The following PRMT3 variants were observed in gnomAD, a reference collection of about 807,000 sequenced individuals.
The protein encoded by PRMT3 is protein arginine methyltransferase 3, also known as protein arginine N-methyltransferase 3.
In PRMT3, 62 loss-of-function variants were observed where a neutral mutation model predicts 71.9. The ratio of observed to expected loss-of-function variants is 0.86; its 90% CI spans 0.70 to 1.07. The LOEUF (loss-of-function observed/expected upper bound fraction) is 1.07, where lower values mean the gene tolerates loss of function less well. Among genes scored for constraint, PRMT3 ranks in the 50% least tolerant of loss-of-function variants. PRMT3 has a pLI of 0.00. For synonymous variants in PRMT3, 213 were observed against 220.4 expected (o/e 0.97, Z 0.30); for missense variants, 663 against 643.0 (o/e 1.03, Z -0.34).
chr11:20,460,423 G>A (rs1850357356), intron 11 of PRMT3, among the ~76,000 whole-genome samples: 1 of 152,000 alleles, frequency 6.6e-6, no homozygotes, highest in East Asian at 1.9e-4. Flanking sequence ...TTAGTGGAGA[G>A]TTTCTCCTTC....
intron 15 of PRMT3, 48 bp from the exon 16 acceptor site, chr11:20,508,256 T>TACACTGTATTCC: frequency 9.1e-7 from 1 of 1,099,782 alleles, no homozygotes; most frequent in Non-Finnish European, 1.4e-6. Context: ...ACTTTTCTGC[T>TACACTGTATTCC]ACACTGTATT....
intron 8 of PRMT3, among the ~76,000 whole-genome samples, chr11:20,404,588 A>G (rs1849032014): frequency 6.6e-6 from 1 of 152,174 alleles, no homozygotes; most frequent in East Asian, 1.9e-4. Context: ...ATGTTTGTCT[A>G]AAAACCACTC....
At chr11:20,437,816 C>T (rs985493331) in intron 10 of PRMT3, among the ~76,000 whole-genome samples, 1 of 152,044 alleles carries the variant, frequency 6.6e-6, no homozygotes, top group Non-Finnish European at 1.5e-5. Context: ...GTCTCAATCT[C>T]CTGACCTCGT....
At chr11:20,457,559 G>A (rs1472818526) in intron 11 of PRMT3, among the ~76,000 whole-genome samples, 1 of 152,202 alleles carries the variant, frequency 6.6e-6, no homozygotes, top group Non-Finnish European at 1.5e-5. Flanking sequence ...AAGTCTAAAT[G>A]AGGTGCTTGA....
intron 12 of PRMT3, among the ~76,000 whole-genome samples, chr11:20,463,244 G>A (rs566218985): frequency 2.8e-4 from 42 of 152,198 alleles, no homozygotes; most frequent in Non-Finnish European, 5.1e-4. Context: ...AGCATTAATA[G>A]TATAGAGTAA....
At position 20,404,211 on chromosome 11, in the gene PRMT3, G is replaced by GTTTTTTTTTGTTTTGTTTTGTTTTTTTT. The variant is rs1849013967; in HGVS notation, c.771+1236_771+1237insGTTTTGTTTTGTTTTTTTTTTTTTTTTT. On this transcript the variant is annotated intron_variant, in intron 8 of 15. Transcript: ENST00000331079. ...GTTACTATAGTGGAGACTTTTCATAGTTTTTTTTTTTTTTTTTTTTTTTTT... is the reference window on the plus strand; with the variant it reads ...GTTACTATAGTGGAGACTTTTCATAGTTTTTTTTTGTTTTGTTTTGTTTTTTTTTTTTTTTTTTTTTTTTTTTTTTTTT... Among the ~76,000 whole-genome samples, 3 of 34,338 alleles carry GTTTTTTTTTGTTTTGTTTTGTTTTTTTT rather than the reference G, an allele frequency of 8.7e-5. 1 individual carries two copies. The highest frequency in any genetic ancestry group is 4.0e-4 in the African/African-American group (3 of 7,480). The allele number at this position is 34,338 out of a possible 152,430, so 22.5% of individuals were successfully genotyped here.
intron 9 of PRMT3, among the ~76,000 whole-genome samples, chr11:20,424,845 G>C (rs1849509636): frequency 6.6e-6 from 1 of 152,198 alleles, no homozygotes; most frequent in African/African-American, 2.4e-5. Context: ...ACTGGGCTAA[G>C]TGTGGCAGCT....
intron 13 of PRMT3, among the ~76,000 whole-genome samples, chr11:20,468,340 T>C (rs1303028111): frequency 6.6e-6 from 1 of 152,142 alleles, no homozygotes; most frequent in African/African-American, 2.4e-5. Context: ...ATGTATGATA[T>C]ATGTATAACG....
rs368162185 is a variant in PRMT3, at chr11:20,408,049, C to G, written c.893+17C>G. On this transcript the variant is annotated intron_variant, in intron 9 of 15. Coordinates refer to ENST00000331079, the MANE Select transcript of PRMT3 (RefSeq NM_005788.4). ...TATTATAAGGTACATATATTTTAAG[C>G]CTTCATTTAAGATTATTTTAAAATT... 16 of 1,483,096 alleles carry G rather than the reference C, an allele frequency of 1.1e-5. No individual in the cohort carries two copies. Among genetic ancestry groups the G allele is most frequent in the Middle Eastern group, 1.8e-4 (1 of 5,622 alleles). The allele number at this position is 1,483,096 out of a possible 1,614,324, so 91.9% of individuals were successfully genotyped here. A position where few individuals can be genotyped will look rare whatever the true frequency, so the allele number is the denominator to read the frequency against.
intron 9 of PRMT3, among the ~76,000 whole-genome samples, chr11:20,422,748 T>A (rs560616596): frequency 2.0e-5 from 3 of 152,270 alleles, no homozygotes; most frequent in African/African-American, 7.2e-5. Flanking sequence ...CACAGCACCA[T>A]CCTGAGCTAA....
intron 13 of PRMT3, among the ~76,000 whole-genome samples, chr11:20,489,183 C>G (rs1305843511): frequency 6.6e-6 from 1 of 151,836 alleles, no homozygotes; most frequent in Non-Finnish European, 1.5e-5. Context: ...TTCTCTCACT[C>G]TAAGGGACTT....
In PRMT3 at chr11:20,457,954, G is replaced by A. The variant is rs867273600; in HGVS notation, c.1073-4026G>A. 5.3e-5 allele frequency among the ~76,000 whole-genome samples: 8 copies of A among 152,262 alleles called. No individual in the cohort carries two copies. The South Asian group carries it at 8.3e-4, about 16-fold the overall frequency. On this transcript the variant is annotated intron_variant, in intron 11 of 15. Transcript: ENST00000331079. ...AGCTATATGTTAGCCTTAGCTAAAC[G>A]TTAGTGGGTCTTGTCATTATTTATA...
intron 11 of PRMT3, among the ~76,000 whole-genome samples, chr11:20,457,699 C>T (rs1194928982): frequency 6.6e-6 from 1 of 152,066 alleles, no homozygotes; most frequent in African/African-American, 2.4e-5. Context: ...TAACACTTAC[C>T]TTTTATACAG....
chr11:20,403,679 C>A (rs141676962), intron 8 of PRMT3, among the ~76,000 whole-genome samples: 2 of 151,582 alleles, frequency 1.3e-5, no homozygotes, highest in African/African-American at 4.8e-5. Flanking sequence ...TCAGGTTTTC[C>A]GTTTGTTCTT....
chr11:20,452,324 T>G (rs1850169055), intron 11 of PRMT3, 116 bp downstream of exon 11: 1 of 755,232 alleles, frequency 1.3e-6, no homozygotes, highest in South Asian at 1.7e-5. Flanking sequence ...GGTTGAAAGA[T>G]GTTTGCATTA....
intron 13 of PRMT3, among the ~76,000 whole-genome samples, chr11:20,464,939 T>C (rs1024513074): frequency 2.8e-4 from 43 of 152,306 alleles, no homozygotes; most frequent in Middle Eastern, 3.4e-3. Flanking sequence ...TTTATATTTA[T>C]GTATGAAAAA....
At chr11:20,501,796 A>G (rs978412567) in intron 15 of PRMT3, among the ~76,000 whole-genome samples, 1 of 152,202 alleles carries the variant, frequency 6.6e-6, no homozygotes, top group African/African-American at 2.4e-5. Flanking sequence ...CTTTTATTGT[A>G]AGTAAATATG....
intron 10 of PRMT3, among the ~76,000 whole-genome samples, chr11:20,444,736 G>C (rs1590069336): frequency 6.6e-6 from 1 of 152,184 alleles, no homozygotes; most frequent in Middle Eastern, 3.4e-3. Flanking sequence ...TATTGTTGGA[G>C]TGTTACGTAA....
At chr11:20,505,209 G>A (rs1204625216) in intron 15 of PRMT3, among the ~76,000 whole-genome samples, 2 of 152,082 alleles carry the variant, frequency 1.3e-5, no homozygotes, top group Non-Finnish European at 2.9e-5. Flanking sequence ...ATAAAACCAG[G>A]TAGTATGCAA....
Sources: gnomAD v4.1 joint callset for allele counts (sites outside exome capture counted in the v4.1 genomes callset) on GRCh38, gnomAD v4.1.1 for gene constraint, MANE v1.5 for transcripts, NCBI Gene and HGNC (gene_info 2026-07-23, HGNC 2026-07-21) for gene names.